The following CACNA1A variants were observed in gnomAD, a reference collection of about 807,000 sequenced individuals.
CACNA1A encodes the protein calcium voltage-gated channel subunit alpha1 A.
Under a neutral mutation model 262.4 loss-of-function variants are expected in CACNA1A, and 57 were observed. The ratio of observed to expected loss-of-function variants is 0.22; its 90% confidence interval spans 0.18 to 0.27. The LOEUF (loss-of-function observed/expected upper bound fraction) is 0.27, where lower values mean the gene tolerates loss of function less well. CACNA1A is among the 10% of genes least tolerant of loss of function. The probability of loss-of-function intolerance (pLI) is 1.00; values close to 1 mark genes in which losing one functional copy is unlikely to be tolerated. For synonymous variants in CACNA1A, 1,431 were observed against 1,419.3 expected (o/e 1.01, Z -0.18); for missense variants, 2,526 against 3,562.8 (o/e 0.71, Z 7.41).
intron 3 of CACNA1A, among the ~76,000 whole-genome samples, chr19:13,402,550 A>C (rs968345784): frequency 6.6e-6 from 1 of 151,818 alleles, no homozygotes; most frequent in African/African-American, 2.4e-5. Context: ...TAAAATTAAA[A>C]AAAAGAAAAA....
chr19:13,298,730 C>A lies in CACNA1A; in HGVS notation c.2903G>T (p.Gly968Val). 6.7e-7 allele frequency: 1 copy of A among 1,499,148 alleles called. No individual in the cohort carries two copies. The allele number at this position is 1,499,148 out of a possible 1,614,324, so 92.9% of individuals were successfully genotyped here. The change falls in exon 19 of 47, where the codon GGT (glycine) becomes GTT (valine). Residue 968 changes from glycine to valine, a missense_variant. Gly to Val is a moderately radical substitution (Grantham distance 109, BLOSUM62 -3). Transcript: ENST00000360228. ...HRAHRRPGEEGPEDKAERRAR... is the reference protein window; with the variant it reads ...HRAHRRPGEEVPEDKAERRAR... ...CCTCCGCTCCGCCTTGTCCTCCGGA[C>A]CCTCCTCCCCGGGCCTGCGGTGCGC...
chr19:13,364,541 C>G (rs1353884508), intron 5 of CACNA1A: 1 of 152,286 alleles, frequency 6.6e-6, no homozygotes, highest in Admixed American at 6.5e-5. Flanking sequence ...AGGAGCAGTC[C>G]TCACCAATGT....
At chr19:13,463,950 T>C (rs1406272707) in intron 1 of CACNA1A, among the ~76,000 whole-genome samples, 1 of 152,062 alleles carries the variant, frequency 6.6e-6, no homozygotes, top group Admixed American at 6.6e-5. Flanking sequence ...ATATAAAAGG[T>C]AGAAAATAGC....
chr19:13,222,754 G>A (rs1003207169), intron 38 of CACNA1A, among the ~76,000 whole-genome samples: 44 of 150,746 alleles, frequency 2.9e-4, no homozygotes, highest in African/African-American at 1.1e-3. Flanking sequence ...GAGTTCAGTG[G>A]CGCGATCTTG....
At chr19:13,224,850 C>T in intron 37 of CACNA1A, 78 bp from the exon 38 acceptor site, 1 of 935,650 alleles carries the variant, frequency 1.1e-6, no homozygotes, top group Non-Finnish European at 1.7e-6. Context: ...CCGCCCCTAC[C>T]CAGGGAGTCC....
At chr19:13,380,282 CAAA>C (rs58162911) in intron 3 of CACNA1A, among the ~76,000 whole-genome samples, 590 of 22,028 alleles carry the variant, frequency 0.027, 12 homozygotes, top group South Asian at 0.13. Flanking sequence ...GATGCCGTCT[CAAA>C]AAAAAAAAAA....
chr19:13,330,319 T>A lies in CACNA1A; in HGVS notation c.1270A>T (p.Thr424Ser). ...AAATCTGTCTTGCTTTTCTTTATGG[T>A]GGTTCTCCGCAGAGCTCCAACAATG... ...RHPFDALRRTTIKKSKTDLLN... is the reference protein window; with the variant it reads ...RHPFDALRRTSIKKSKTDLLN... The change falls in exon 10 of 47, where the codon ACC becomes TCC. Residue 424 changes from threonine to serine, a missense_variant. By Grantham distance (58) the Thr-to-Ser change is moderately conservative. Transcript: ENST00000360228. 2.6e-6 allele frequency: 4 copies of A among 1,563,202 alleles called. No homozygotes were observed. The highest frequency in any genetic ancestry group is 3.5e-6 in the Non-Finnish European group (4 of 1,152,714).
intron 1 of CACNA1A, 140 bp downstream of exon 1, chr19:13,505,792 G>GC (rs1391346845): frequency 2.5e-6 from 2 of 806,680 alleles, no homozygotes; most frequent in Non-Finnish European, 4.1e-6. Flanking sequence ...TCCTCCCGGT[G>GC]CCCCCTCTCC....
intron 28 of CACNA1A, among the ~76,000 whole-genome samples, chr19:13,255,614 C>T (rs1035661253): frequency 1.3e-5 from 2 of 152,038 alleles, no homozygotes; most frequent in South Asian, 2.1e-4. Context: ...ACACAGCTAC[C>T]GAGTGTGCCA....
chr19:13,467,018 G>A (rs1208429498), intron 1 of CACNA1A, among the ~76,000 whole-genome samples: 2 of 151,964 alleles, frequency 1.3e-5, no homozygotes, highest in African/African-American at 4.8e-5. Context: ...TTACAGGCGT[G>A]AGCCACTGCA....
chr19:13,224,558 G>T, intron 38 of CACNA1A, 109 bp downstream of exon 38: 1 of 718,168 alleles, frequency 1.4e-6, no homozygotes, highest in Non-Finnish European at 2.5e-6. Context: ...ATGGAAGAGT[G>T]AATGAAGATC....
intron 38 of CACNA1A, among the ~76,000 whole-genome samples, chr19:13,218,257 A>C (rs1220068628): frequency 1.3e-5 from 2 of 151,812 alleles, no homozygotes; most frequent in African/African-American, 4.8e-5. Flanking sequence ...CGCCTGGATA[A>C]TTTTCCATAC....
chr19:13,234,671 C>A (rs537424603), intron 34 of CACNA1A: 31 of 500,326 alleles, frequency 6.2e-5, no homozygotes, highest in Non-Finnish European at 1.1e-5. Flanking sequence ...CATCTGGCCA[C>A]CCCCACACCA....
At chr19:13,464,838 G>A (rs192733074) in intron 1 of CACNA1A, among the ~76,000 whole-genome samples, 13 of 152,142 alleles carry the variant, frequency 8.5e-5, no homozygotes, top group South Asian at 2.1e-4. Context: ...GTGAGCCACT[G>A]CGCCCGGCCA....
chr19:13,242,387 T>C (rs1257007523), intron 31 of CACNA1A, among the ~76,000 whole-genome samples: 1 of 152,150 alleles, frequency 6.6e-6, no homozygotes, highest in South Asian at 2.1e-4. Context: ...TCTCGCCTCC[T>C]GAGAATCAAG....
At chr19:13,391,531 C>G (rs1466342916) in intron 3 of CACNA1A, among the ~76,000 whole-genome samples, 5 of 152,038 alleles carry the variant, frequency 3.3e-5, no homozygotes, top group African/African-American at 1.2e-4. Context: ...GGCAAAAACC[C>G]CATAAGGTGG....
chr19:13,210,470 T>C (rs547813743), intron 44 of CACNA1A, 147 bp downstream of exon 44: 2 of 683,974 alleles, frequency 2.9e-6, no homozygotes, highest in East Asian at 2.8e-5. Context: ...CACACAAGGA[T>C]TGGGCTCCAT....
intron 3 of CACNA1A, among the ~76,000 whole-genome samples, chr19:13,445,032 C>G (rs542036315): frequency 7.3e-5 from 11 of 151,516 alleles, no homozygotes; most frequent in African/African-American, 2.7e-4. Flanking sequence ...CCCAGCTACT[C>G]AGAAGGCTGA....
chr19:13,387,203 G>A (rs531688055), intron 3 of CACNA1A, among the ~76,000 whole-genome samples: 5 of 152,060 alleles, frequency 3.3e-5, no homozygotes, highest in South Asian at 2.1e-4. Flanking sequence ...CACCCCACCC[G>A]TCTTGGCCTC....
Sources: allele counts gnomAD v4.1 joint callset (sites outside exome capture counted in the v4.1 genomes callset), GRCh38; gene constraint gnomAD v4.1.1; transcripts MANE v1.5; gene names NCBI Gene and HGNC (gene_info 2026-07-23, HGNC 2026-07-21).